Variants in DIP2C observed in about 807,000 individuals in gnomAD.
DIP2C encodes disco-interacting protein 2 homolog C.
A neutral mutation model predicts 192.4 loss-of-function variants in DIP2C; 33 were observed. The observed-to-expected ratio is 0.17, with a 90% CI of 0.13 to 0.23. The LOEUF (loss-of-function observed/expected upper bound fraction) is 0.23, where lower values mean the gene tolerates loss of function less well. Among genes scored for constraint, DIP2C ranks in the 10% least tolerant of loss-of-function variants. DIP2C has a pLI of 1.00. For missense variants in DIP2C, 1,537 were observed against 2,110.1 expected (o/e 0.73, Z 5.32); for synonymous variants, 979 against 864.1 (o/e 1.13, Z -2.33).
chr10:604,050 C>T (rs1482609644), intron 1 of DIP2C, among the ~76,000 whole-genome samples: 1 of 150,526 alleles, frequency 6.6e-6, no homozygotes, highest in Non-Finnish European at 1.5e-5. Context: ...GCCCCACACC[C>T]CCTCTGGCCT....
chr10:621,787 C>T (rs1300751392), intron 1 of DIP2C, among the ~76,000 whole-genome samples: 1 of 152,154 alleles, frequency 6.6e-6, no homozygotes, highest in African/African-American at 2.4e-5. Flanking sequence ...GAGCACGGGG[C>T]CTACGGAGTG....
At chr10:507,070 G>A (rs914725969) in intron 1 of DIP2C, among the ~76,000 whole-genome samples, 3 of 152,120 alleles carry the variant, frequency 2.0e-5, no homozygotes, top group Non-Finnish European at 4.4e-5. Flanking sequence ...AGAGGTGTGA[G>A]GTCACAGACC....
At position 555,887 on chromosome 10, in the gene DIP2C, G is replaced by A. The variant is rs376690073; in HGVS notation, c.86-69357C>T. Among the ~76,000 whole-genome samples the A allele has an allele frequency of 1.1e-4, 16 of 152,214 alleles. No homozygotes were observed. In the South Asian group the frequency reaches 1.2e-3, roughly 12 times the overall value. On this transcript the variant is annotated intron_variant, in intron 1 of 36. Coordinates refer to ENST00000280886, the MANE Select transcript of DIP2C (RefSeq NM_014974.3). Reference sequence around the variant, plus strand: ...CAAGTCACAGAACACGGTCTTCAGCGAACACCCTTCCTGCATGACCTCCAC... The same window carrying A: ...CAAGTCACAGAACACGGTCTTCAGCAAACACCCTTCCTGCATGACCTCCAC...
At chr10:280,639 A>G (rs2132129622) in intron 36 of DIP2C, among the ~76,000 whole-genome samples, 1 of 152,318 alleles carries the variant, frequency 6.6e-6, no homozygotes, top group South Asian at 2.1e-4. Context: ...GCCAGAGAGA[A>G]AGACAAAGTC....
At chr10:605,094 G>T (rs1216303780) in intron 1 of DIP2C, among the ~76,000 whole-genome samples, 1 of 152,256 alleles carries the variant, frequency 6.6e-6, no homozygotes, top group African/African-American at 2.4e-5. Context: ...ATGCGTGCCT[G>T]AGGTCCAGGG....
At position 326,961 on chromosome 10, in the gene DIP2C, G is replaced by C. The variant is rs781541670; in HGVS notation, c.3924+45C>G. 6 of 1,580,338 alleles carry C rather than the reference G, an allele frequency of 3.8e-6. No individual in the cohort carries two copies. In the South Asian group the frequency reaches 7.1e-5, roughly 19 times the overall value. On this transcript the variant is annotated intron_variant, in intron 31 of 36. Transcript: ENST00000280886. ...GCCAGTCTGTGCTGTACCCACCCCGGGAGCCACACTTCCCACTCAGCACTG... is the reference window on the plus strand; with the variant it reads ...GCCAGTCTGTGCTGTACCCACCCCGCGAGCCACACTTCCCACTCAGCACTG...
intron 5 of DIP2C, among the ~76,000 whole-genome samples, chr10:421,137 T>A (rs1356455342): frequency 6.6e-6 from 1 of 152,218 alleles, no homozygotes. Flanking sequence ...TTCCAGATAG[T>A]CTAGGAAGAT....
intron 1 of DIP2C, among the ~76,000 whole-genome samples, chr10:574,450 G>A (rs1850023156): frequency 6.6e-6 from 1 of 152,210 alleles, no homozygotes; most frequent in African/African-American, 2.4e-5. Context: ...CAATTCCTCA[G>A]CAGACAGCCT....
Position 387,803 on chromosome 10 carries a change from G to C in DIP2C, c.1604C>G (p.Thr535Ser), listed in dbSNP as rs1564647693. The part of the protein sequence containing the change: ...TQACGYTEAE[T>S]IVNVLDFKKD... ...CTTGAAATCCAGCACATTCACAATG[G>C]TTTCAGCTGCACAACAGAGGGAGTC... The change falls in exon 14 of 37, where the codon ACC becomes AGC. Residue 535 changes from threonine (T) to serine (S), a missense_variant. By Grantham distance (58) the Thr-to-Ser change is moderately conservative. This residue lies in a region of DIP2C where 677 missense variants were observed against 989.9 expected (regional missense o/e 0.68). Coordinates refer to ENST00000280886, the MANE Select transcript of DIP2C (RefSeq NM_014974.3). 1 of 1,614,206 alleles carries C rather than the reference G, an allele frequency of 6.2e-7. No homozygotes were observed. The highest frequency in any genetic ancestry group is 2.2e-5 in the East Asian group (1 of 44,884).
chr10:562,848 C>T (rs1849291067), intron 1 of DIP2C, among the ~76,000 whole-genome samples: 1 of 152,202 alleles, frequency 6.6e-6, no homozygotes, highest in Admixed American at 6.5e-5. Flanking sequence ...AGTGCACAAC[C>T]AGCAGTGACA....
chr10:328,201 CAG>C (rs1274347582), intron 30 of DIP2C, among the ~76,000 whole-genome samples: 1 of 152,196 alleles, frequency 6.6e-6, no homozygotes, highest in East Asian at 1.9e-4. Context: ...ACTGTACACA[CAG>C]AGTTAAACAG....
At position 405,645 on chromosome 10, in the gene DIP2C, G is replaced by C. The variant is rs142319092; in HGVS notation, c.1149+3281C>G. Among the ~76,000 whole-genome samples, 40 of 152,278 alleles carry C rather than the reference G, an allele frequency of 2.6e-4. No homozygotes were observed. In the East Asian group the frequency reaches 7.7e-3, roughly 29 times the overall value. The stretch of plus-strand genomic sequence containing the variant: ...CAATACAATACTGGACAAATACAAA[G>C]ACGCTCGATTTTTGTAAACCCACAT... On this transcript the variant is annotated intron_variant, in intron 9 of 36. Transcript: ENST00000280886.
chr10:353,653 G>C (rs1271583724), intron 24 of DIP2C, among the ~76,000 whole-genome samples: 1 of 152,122 alleles, frequency 6.6e-6, no homozygotes, highest in Non-Finnish European at 1.5e-5. Context: ...TGCTGGGATT[G>C]CAGGCGTGAG....
chr10:578,736 CAT>C (rs535358111), intron 1 of DIP2C, among the ~76,000 whole-genome samples: 44 of 152,170 alleles, frequency 2.9e-4, no homozygotes, highest in East Asian at 9.6e-4. Flanking sequence ...TACAGTGTAA[CAT>C]GTGTACATGC....
At chr10:491,269 C>T (rs774421826) in intron 1 of DIP2C, among the ~76,000 whole-genome samples, 9 of 152,214 alleles carry the variant, frequency 5.9e-5, no homozygotes, top group Non-Finnish European at 1.0e-4. Flanking sequence ...CAGACCCACT[C>T]GGCAGTGGCG....
At chr10:574,849 G>A (rs985197908) in intron 1 of DIP2C, among the ~76,000 whole-genome samples, 3 of 152,198 alleles carry the variant, frequency 2.0e-5, no homozygotes, top group African/African-American at 4.8e-5. Flanking sequence ...GGTGTTCAAT[G>A]CTTTGTATGT....
At chr10:291,585 TA>T (rs1355510893) in intron 32 of DIP2C, among the ~76,000 whole-genome samples, 2 of 152,170 alleles carry the variant, frequency 1.3e-5, no homozygotes, top group Non-Finnish European at 2.9e-5. Flanking sequence ...AAAGAACTCA[TA>T]GAAATGAAAC....
chr10:415,524 G>C (rs576784632), intron 7 of DIP2C, among the ~76,000 whole-genome samples: 1 of 152,222 alleles, frequency 6.6e-6, no homozygotes, highest in South Asian at 2.1e-4. Context: ...TTCTTAGAGA[G>C]AGACCTGACC....
chr10:377,668 G>A (rs906911138), intron 17 of DIP2C, among the ~76,000 whole-genome samples: 7 of 152,158 alleles, frequency 4.6e-5, no homozygotes, highest in Admixed American at 3.3e-4. Flanking sequence ...CTGTGCTGAC[G>A]TTTTCTCCGC....
Sources: gnomAD v4.1 joint callset for allele counts (sites outside exome capture counted in the v4.1 genomes callset) on GRCh38, gnomAD v4.1.1 for gene constraint, gnomAD v4.1.1 regional missense constraint, MANE v1.5 for transcripts, NCBI Gene and HGNC (gene_info 2026-07-23, HGNC 2026-07-21) for gene names.